Variants in DISP1 observed in about 807,000 individuals in gnomAD.
The protein encoded by DISP1 is dispatched RND transporter family member 1.
A neutral mutation model predicts 37.3 loss-of-function variants in DISP1; 30 were observed. The observed-to-expected ratio is 0.80, with a 90% CI of 0.60 to 1.09. The LOEUF (loss-of-function observed/expected upper bound fraction) is 1.09. Among genes scored for constraint, DISP1 ranks in the 50% least tolerant of loss-of-function variants. The pLI, the probability that DISP1 is intolerant of heterozygous loss-of-function variation, is 0.00. For synonymous variants in DISP1, 634 were observed against 690.2 expected (o/e 0.92, Z 1.28); for missense variants, 1,598 against 1,879.5 (o/e 0.85, Z 2.77).
At chr1:222,852,263 A>G (rs1057356154) in intron 1 of DISP1, among the ~76,000 whole-genome samples, 11 of 151,978 alleles carry the variant, frequency 7.2e-5, no homozygotes, top group African/African-American at 2.4e-4. Context: ...AAAGCCTTCC[A>G]TAACAAAACA....
intron 1 of DISP1, among the ~76,000 whole-genome samples, chr1:222,824,180 TA>T (rs1399674762): frequency 6.6e-6 from 1 of 152,210 alleles, no homozygotes; most frequent in Non-Finnish European, 1.5e-5. Context: ...ATTAACATGA[TA>T]AATTTTTTTC....
rs199547391 is a variant in DISP1 at position 222,905,818 on chromosome 1, A to G, written c.-158-22612A>G. 3.9e-5 allele frequency among the ~76,000 whole-genome samples: 6 copies of G among 152,234 alleles called. No individual in the cohort carries two copies. In the East Asian group the frequency reaches 1.2e-3, roughly 29 times the overall value. ...CAAACTTGTTCTAGAATATGAATAA[A>G]TATTATTTAAAATTAAGCATGAGTA... On this transcript the variant is annotated intron_variant, in intron 1 of 8. Coordinates refer to ENST00000675850, the MANE Select transcript of DISP1 (RefSeq NM_001377229.1).
chr1:222,857,442 A>C (rs1440625592), intron 1 of DISP1, among the ~76,000 whole-genome samples: 1 of 152,210 alleles, frequency 6.6e-6, no homozygotes, highest in East Asian at 1.9e-4. Flanking sequence ...ACAATCAAGC[A>C]AGAGAAAGAA....
At chr1:222,935,079 C>A (rs1005029651) in intron 2 of DISP1, among the ~76,000 whole-genome samples, 1 of 152,152 alleles carries the variant, frequency 6.6e-6, no homozygotes, top group Non-Finnish European at 1.5e-5. Context: ...TCTCTTGCTA[C>A]GCAAAATGTG....
chr1:222,978,431 A>C (rs1192319857), intron 3 of DISP1, among the ~76,000 whole-genome samples: 1 of 152,228 alleles, frequency 6.6e-6, no homozygotes, highest in African/African-American at 2.4e-5. Flanking sequence ...GCCCGTTGTC[A>C]GATGAGTAGA....
intron 2 of DISP1, among the ~76,000 whole-genome samples, chr1:222,938,786 C>T (rs947748861): frequency 6.9e-5 from 8 of 116,592 alleles, no homozygotes; most frequent in African/African-American, 2.0e-4. Flanking sequence ...GAAGGAAGGA[C>T]GGGATGAAGA....
intron 8 of DISP1, among the ~76,000 whole-genome samples, chr1:222,996,070 A>C (rs967808428): frequency 6.6e-6 from 1 of 152,178 alleles, no homozygotes; most frequent in Non-Finnish European, 1.5e-5. Flanking sequence ...ATGACTTTCC[A>C]ATCGACTGAG....
chr1:222,884,778 A>G (rs1329364201), intron 1 of DISP1, among the ~76,000 whole-genome samples: 1 of 152,150 alleles, frequency 6.6e-6, no homozygotes, highest in Non-Finnish European at 1.5e-5. Context: ...TGATTTTAGC[A>G]TCCACTGATG....
At chr1:222,857,291 T>C (rs1175065823) in intron 1 of DISP1, among the ~76,000 whole-genome samples, 1 of 151,756 alleles carries the variant, frequency 6.6e-6, no homozygotes, top group Non-Finnish European at 1.5e-5. Context: ...AGAAAAAAAC[T>C]GTGATATAGA....
At chr1:222,918,406 G>A (rs909406889) in intron 1 of DISP1, among the ~76,000 whole-genome samples, 5 of 152,192 alleles carry the variant, frequency 3.3e-5, no homozygotes, top group African/African-American at 9.7e-5. Context: ...AGGAGTTGTT[G>A]ATTTTGATTG....
rs571929663 is a variant in DISP1 at position 222,864,480 on chromosome 1, A to AT, written c.-159+49411dup. On this transcript the variant is annotated intron_variant, in intron 1 of 8. Coordinates refer to ENST00000675850, the MANE Select transcript of DISP1 (RefSeq NM_001377229.1). ...GAAACGACTCTGTAGGAGTCCTCTCATTTTTTTTTGCCATTTAAATATGAA... is the reference window on the plus strand; with the variant it reads ...GAAACGACTCTGTAGGAGTCCTCTCATTTTTTTTTTGCCATTTAAATATGAA... 2.8e-3 allele frequency among the ~76,000 whole-genome samples: 427 copies of AT among 150,732 alleles called. 1 individual carries two copies. Among genetic ancestry groups the AT allele is most frequent in the African/African-American group, 9.9e-3 (407 of 41,154 alleles).
intron 1 of DISP1, among the ~76,000 whole-genome samples, chr1:222,846,963 A>G (rs896465028): frequency 6.6e-6 from 1 of 152,220 alleles, no homozygotes. Context: ...TGAAACTATT[A>G]TATCTATTAT....
At chr1:222,940,202 A>G (rs1188036641) in intron 2 of DISP1, among the ~76,000 whole-genome samples, 2 of 152,120 alleles carry the variant, frequency 1.3e-5, no homozygotes, top group African/African-American at 2.4e-5. Context: ...TTGGCTCACG[A>G]TTCTGCAGGC....
At position 222,892,403 on chromosome 1, in the gene DISP1, G is replaced by GT. The variant is rs561514841; in HGVS notation, c.-158-36026dup. On this transcript the variant is annotated intron_variant, in intron 1 of 8. Coordinates refer to ENST00000675850, the MANE Select transcript of DISP1 (RefSeq NM_001377229.1). ...ATGGTGAATCATTCTTGCAAATAAC[G>GT]TAAGTATGAATAAGCTTATTCACAT... 1.9e-4 allele frequency among the ~76,000 whole-genome samples: 29 copies of GT among 152,250 alleles called. No homozygotes were observed. The East Asian group carries it at 5.0e-3, about 26-fold the overall frequency.
At chr1:222,972,990 C>G (rs1474031999) in intron 3 of DISP1, among the ~76,000 whole-genome samples, 1 of 152,120 alleles carries the variant, frequency 6.6e-6, no homozygotes, top group Non-Finnish European at 1.5e-5. Context: ...CTTGGTATCA[C>G]TTAAACTGGC....
At chr1:222,978,228 A>G (rs534921403) in intron 3 of DISP1, among the ~76,000 whole-genome samples, 1,724 of 152,174 alleles carry the variant, frequency 0.011, 38 homozygotes, top group African/African-American at 0.039. Context: ...CTGGTGTGAG[A>G]TGGTATCTCG....
At chr1:222,871,470 G>A (rs1669568500) in intron 1 of DISP1, among the ~76,000 whole-genome samples, 1 of 152,124 alleles carries the variant, frequency 6.6e-6, no homozygotes, top group Non-Finnish European at 1.5e-5. Flanking sequence ...ATTTCATTGA[G>A]CAGTGGTTTG....
chr1:222,949,120 G>T (rs2039782), intron 3 of DISP1, among the ~76,000 whole-genome samples: 1 of 151,940 alleles, frequency 6.6e-6, no homozygotes, highest in Non-Finnish European at 1.5e-5. Flanking sequence ...AAGGCCAGGC[G>T]TGGTGGCTTG....
At chr1:222,889,254 C>T (rs996710942) in intron 1 of DISP1, among the ~76,000 whole-genome samples, 62 of 152,130 alleles carry the variant, frequency 4.1e-4, no homozygotes, top group African/African-American at 1.4e-3. Context: ...TCTAAGTAGG[C>T]TAGTATTAAA....
Sources: allele counts gnomAD v4.1 joint callset (sites outside exome capture counted in the v4.1 genomes callset), GRCh38; gene constraint gnomAD v4.1.1; transcripts MANE v1.5; gene names NCBI Gene and HGNC (gene_info 2026-07-23, HGNC 2026-07-21).